The following DHRS7 variants were observed in gnomAD, a reference collection of about 807,000 sequenced individuals.
DHRS7 encodes the protein dehydrogenase/reductase SDR family member 7.
Under a neutral mutation model 38.9 loss-of-function variants are expected in DHRS7, and 34 were observed. The ratio of observed to expected loss-of-function variants is 0.87; its 90% CI spans 0.66 to 1.16. DHRS7 has a LOEUF of 1.16. Ranked by LOEUF, DHRS7 falls within the 50% of genes most tolerant of loss-of-function variation. DHRS7 has a pLI of 0.00. For missense variants in DHRS7, 421 were observed against 407.0 expected, an observed-to-expected ratio of 1.03 and a Z score of -0.30; for synonymous variants, 158 against 153.1, an observed-to-expected ratio of 1.03 and a Z score of -0.24.
At chr14:60,168,861 G>A (rs1896898104), upstream of DHRS7, 3 of 1,312,724 alleles carry the variant, frequency 2.3e-6, no homozygotes, top group Non-Finnish European at 3.1e-6. Context: ...AAGGTCAGAG[G>A]AGAACTTGAC....
upstream of DHRS7, chr14:60,166,367 G>T (rs1896867243): frequency 1.6e-6 from 1 of 625,736 alleles, no homozygotes; most frequent in Non-Finnish European, 2.0e-6. Flanking sequence ...GGGCGTTGAT[G>T]CAGTAGAACT....
chr14:60,165,004 C>G lies in DHRS7; in HGVS notation c.133+173G>C, dbSNP rs1294172081. Among the ~76,000 whole-genome samples, 1 of 152,246 alleles carries G rather than the reference C, an allele frequency of 6.6e-6. No homozygotes were observed. Among genetic ancestry groups the G allele is most frequent in the African/African-American group, 2.4e-5 (1 of 41,462 alleles). On this transcript the variant is annotated intron_variant, in intron 1 of 6. Transcript: ENST00000557185. The surrounding 1 kb of genome is among the most constrained non-coding windows in gnomAD (Gnocchi z 4.6). ...GAAGACAAAGGGGCTTTTTAGCCCTCGCCTCTTCCTCCCCAACCCGCAGCC... is the reference window on the plus strand; with the variant it reads ...GAAGACAAAGGGGCTTTTTAGCCCTGGCCTCTTCCTCCCCAACCCGCAGCC...
rs373719518 is a variant in DHRS7 at position 60,165,316 on chromosome 14, C to T, written c.-7G>A. Reference sequence around the variant, plus strand: ...GCAGCAGCTCCCAGTTCATTGCGGCCGCGCACGCCCAGCTCGGGGGGAAGA... The same window carrying T: ...GCAGCAGCTCCCAGTTCATTGCGGCTGCGCACGCCCAGCTCGGGGGGAAGA... On this transcript the variant is annotated 5_prime_UTR_variant, in exon 1 of 7. Transcript: ENST00000557185. The surrounding 1 kb of genome is among the most constrained non-coding windows in gnomAD (Gnocchi z 4.6). The T allele has an allele frequency of 3.2e-6, 5 of 1,575,418 alleles. No individual in the cohort carries two copies. Among genetic ancestry groups the T allele is most frequent in the East Asian group, 4.6e-5 (2 of 43,264 alleles).
At chr14:60,151,575 C>G (rs1266819053) in intron 4 of DHRS7, among the ~76,000 whole-genome samples, 1 of 151,560 alleles carries the variant, frequency 6.6e-6, no homozygotes, top group Non-Finnish European at 1.5e-5. Flanking sequence ...ATGGAAAACT[C>G]CCATAACTTT....
chr14:60,158,422 C>G (rs1896700670), intron 1 of DHRS7, among the ~76,000 whole-genome samples: 1 of 152,066 alleles, frequency 6.6e-6, no homozygotes, highest in East Asian at 1.9e-4. Context: ...TCATTGACTA[C>G]TTGTTGTTCC....
chr14:60,168,121 A>C (rs116799764), upstream of DHRS7, among the ~76,000 whole-genome samples: 3,456 of 152,326 alleles, frequency 0.023, 50 homozygotes, highest in Middle Eastern at 0.048. Context: ...TTATAAGAAA[A>C]TATAACTTAC....
Position 60,160,436 on chromosome 14 carries a change from A to G in DHRS7, c.134-4284T>C, listed in dbSNP as rs79424630. On this transcript the variant is annotated intron_variant, in intron 1 of 6. Coordinates refer to ENST00000557185, the MANE Select transcript of DHRS7 (RefSeq NM_016029.4). ...TGTTTAAAATAGAAAAGCTTAAGGG[A>G]AAATAGAAATAGGATGGAAAAGTAC... 3.6e-3 allele frequency among the ~76,000 whole-genome samples: 542 copies of G among 151,766 alleles called. 5 individuals are homozygous for G. The highest frequency in any genetic ancestry group is 0.013 in the African/African-American group (519 of 41,342).
chr14:60,157,361 AT>A (rs1896679653), intron 1 of DHRS7, among the ~76,000 whole-genome samples: 1 of 152,248 alleles, frequency 6.6e-6, no homozygotes, highest in Non-Finnish European at 1.5e-5. Context: ...TATCTAGTAC[AT>A]ACTCAGTGTT....
Position 60,145,479 on chromosome 14 carries a change from T to TA in DHRS7, c.973-467dup, listed in dbSNP as rs1896375371. ...GGGCAGATCACCTGAGGTCAGGAGT[T>TA]AGAGACCAGCCTGGCAAAACCCCAT... On this transcript the variant is annotated intron_variant, in intron 6 of 6. Coordinates refer to ENST00000557185, the MANE Select transcript of DHRS7 (RefSeq NM_016029.4). The surrounding 1 kb of genome is among the most constrained non-coding windows in gnomAD (Gnocchi z 4.0). 6.6e-6 allele frequency: 1 copy of TA among 152,368 alleles called. No homozygotes were observed. The highest frequency in any genetic ancestry group is 2.4e-5 in the African/African-American group (1 of 41,434). 9.4% of individuals were successfully genotyped at this position (152,368 alleles called of 1,614,324 possible).
intron 2 of DHRS7, among the ~76,000 whole-genome samples, chr14:60,155,580 C>G (rs775321197): frequency 6.6e-6 from 1 of 152,148 alleles, no homozygotes; most frequent in Non-Finnish European, 1.5e-5. Context: ...GTTCTTTTAT[C>G]CTATATAATA....
At chr14:60,163,276 T>G (rs1438828304) in intron 1 of DHRS7, among the ~76,000 whole-genome samples, 1 of 151,824 alleles carries the variant, frequency 6.6e-6, no homozygotes, top group Non-Finnish European at 1.5e-5. Context: ...AAATTAAAAT[T>G]TAAAAGTTAT....
chr14:60,169,132 C>CAAAAA (rs1566539341), upstream of DHRS7: 40 of 31,084 alleles, frequency 1.3e-3, no homozygotes, highest in African/African-American at 5.9e-3. Context: ...ACAAAAGAAA[C>CAAAAA]CAAAAAAAAA....
chr14:60,154,171 T>G, intron 2 of DHRS7, 106 bp from the exon 3 acceptor site: 1 of 790,688 alleles, frequency 1.3e-6, no homozygotes, highest in Non-Finnish European at 2.1e-6. Flanking sequence ...AACAAACTCA[T>G]TTCTGGGTGG....
chr14:60,166,700 C>G (rs1020144348), upstream of DHRS7, among the ~76,000 whole-genome samples: 1 of 152,190 alleles, frequency 6.6e-6, no homozygotes, highest in African/African-American at 2.4e-5. Context: ...TCAGAGTCAT[C>G]TTTCCCTAAT....
intron 2 of DHRS7, among the ~76,000 whole-genome samples, chr14:60,154,646 C>A (rs952926335): frequency 2.0e-5 from 3 of 152,098 alleles, no homozygotes; most frequent in African/African-American, 7.2e-5. Flanking sequence ...TGGACTCTAA[C>A]CTTGAAATAC....
In DHRS7 at chr14:60,154,047, T is replaced by G. The variant is rs1248089285; in HGVS notation, c.305A>C (p.Glu102Ala). 1 of 1,613,838 alleles carries G rather than the reference T, an allele frequency of 6.2e-7. No individual in the cohort carries two copies. Among genetic ancestry groups the G allele is most frequent in the South Asian group, 1.1e-5 (1 of 91,080 alleles). ...RRCLENGNLK[E>A]KDILVLPLDL... ...AAGGGGCAAAACAAGTATATCTTTT[T>G]CTTTTAAATTGCCATTCTCTAAATA... is the stretch of plus-strand genomic sequence containing the variant. Residue 102 changes from glutamate (E) to alanine (A), a missense_variant, in exon 3 of 7, where the codon GAA (glutamate) becomes GCA (alanine). Physicochemically the swap from Glu to Ala is moderately radical, Grantham distance 107. Transcript: ENST00000557185.
chr14:60,148,991 G>T lies in DHRS7; in HGVS notation c.972+362C>A, dbSNP rs1466007423. 2 of 183,350 alleles carry T rather than the reference G, an allele frequency of 1.1e-5. No homozygotes were observed. The highest frequency in any genetic ancestry group is 2.3e-5 in the Non-Finnish European group (2 of 88,698). The allele number at this position is 183,350 out of a possible 1,614,324, so 11.4% of individuals were successfully genotyped here. ...AGGGTTAGAAAGGTTTTTTGATTTTGAAATAGAGTCTCGCTCTATCACCCG... is the reference window on the plus strand; with the variant it reads ...AGGGTTAGAAAGGTTTTTTGATTTTTAAATAGAGTCTCGCTCTATCACCCG... On this transcript the variant is annotated intron_variant, in intron 6 of 6. Transcript: ENST00000557185. The surrounding 1 kb of genome is among the most constrained non-coding windows in gnomAD (Gnocchi z 4.8).
chr14:60,155,033 A>AT (rs1216409150), intron 2 of DHRS7, among the ~76,000 whole-genome samples: 1 of 152,198 alleles, frequency 6.6e-6, no homozygotes, highest in African/African-American at 2.4e-5. Flanking sequence ...ATTTAAAAGA[A>AT]TGACAGGTAG....
upstream of DHRS7, among the ~76,000 whole-genome samples, chr14:60,167,676 A>C (rs571283039): frequency 4.7e-4 from 72 of 152,360 alleles, no homozygotes; most frequent in Non-Finnish European, 9.3e-4. Context: ...GGGGGAAAAA[A>C]AGAGTGAGTG....
Sources: allele counts gnomAD v4.1 joint callset (sites outside exome capture counted in the v4.1 genomes callset), GRCh38; gene constraint gnomAD v4.1.1; non-coding constraint Gnocchi (gnomAD v3.1); transcripts MANE v1.5; gene names NCBI Gene and HGNC (gene_info 2026-07-23, HGNC 2026-07-21).